Variants in TMC1 observed in about 807,000 individuals in gnomAD.
The protein encoded by TMC1 is transmembrane channel-like protein 1.
Under a neutral mutation model 105.8 loss-of-function variants are expected in TMC1, and 84 were observed. That is an observed-to-expected ratio of 0.79 (90% CI 0.67 to 0.95). TMC1 has a LOEUF of 0.95. Ranked by LOEUF, TMC1 falls within the 40% of genes least tolerant of loss-of-function variation. The pLI is 0.00. For synonymous variants in TMC1, 315 were observed against 311.5 expected, an observed-to-expected ratio of 1.01 and a Z score of -0.12; for missense variants, 817 against 914.1, an observed-to-expected ratio of 0.89 and a Z score of 1.37.
At chr9:72,535,234 C>G (rs1823561518) in intron 1 of TMC1, among the ~76,000 whole-genome samples, 1 of 152,168 alleles carries the variant, frequency 6.6e-6, no homozygotes, top group Non-Finnish European at 1.5e-5. Flanking sequence ...TAGCATGTTA[C>G]AAAGTACCCC....
intron 12 of TMC1, among the ~76,000 whole-genome samples, chr9:72,757,134 C>A (rs1376215475): frequency 6.6e-6 from 1 of 152,152 alleles, no homozygotes; most frequent in Non-Finnish European, 1.5e-5. Context: ...TATAAGAAAG[C>A]CATTACACTG....
chr9:72,760,038 T>C (rs1827731651), intron 12 of TMC1, among the ~76,000 whole-genome samples: 1 of 152,176 alleles, frequency 6.6e-6, no homozygotes, highest in African/African-American at 2.4e-5. Context: ...GCTTCTCAAA[T>C]AGAATGAGAG....
chr9:72,594,393 A>G (rs1054765250), intron 2 of TMC1, among the ~76,000 whole-genome samples: 2 of 152,034 alleles, frequency 1.3e-5, no homozygotes, highest in Non-Finnish European at 1.5e-5. Flanking sequence ...TGCAGCATCA[A>G]CTCCCAGTCA....
intron 1 of TMC1, among the ~76,000 whole-genome samples, chr9:72,541,053 A>T (rs1330125272): frequency 1.3e-5 from 2 of 152,188 alleles, no homozygotes; most frequent in African/African-American, 4.8e-5. Context: ...TTCCAGGTCA[A>T]ATTTAAATCT....
chr9:72,708,745 A>T (rs1826786013), intron 8 of TMC1, among the ~76,000 whole-genome samples: 1 of 152,132 alleles, frequency 6.6e-6, no homozygotes, highest in Non-Finnish European at 1.5e-5. Context: ...ACCAATCTGG[A>T]TGCCCTTTAT....
At chr9:72,600,444 T>G (rs533827272) in intron 2 of TMC1, among the ~76,000 whole-genome samples, 2 of 152,170 alleles carry the variant, frequency 1.3e-5, no homozygotes, top group Non-Finnish European at 2.9e-5. Context: ...TCACCAATAC[T>G]GTGGGCTCTC....
At chr9:72,671,957 A>C (rs1826132119) in intron 5 of TMC1, among the ~76,000 whole-genome samples, 2 of 152,210 alleles carry the variant, frequency 1.3e-5, no homozygotes, top group South Asian at 4.1e-4. Context: ...TTCTTAAAGG[A>C]AGAAAGATGA....
At chr9:72,835,761 T>C (rs941278235) in intron 23 of TMC1, among the ~76,000 whole-genome samples, 190 bp from the exon 24 acceptor site, 2 of 149,610 alleles carry the variant, frequency 1.3e-5, no homozygotes, top group African/African-American at 4.9e-5. Flanking sequence ...CTAAGAAACA[T>C]GGAAATATTT....
chr9:72,673,469 G>A (rs909253839), intron 5 of TMC1, among the ~76,000 whole-genome samples: 2 of 151,984 alleles, frequency 1.3e-5, no homozygotes, highest in African/African-American at 4.8e-5. Flanking sequence ...AGACTGATTA[G>A]GAATTTATCA....
chr9:72,605,672 C>T (rs1824899749), intron 2 of TMC1, among the ~76,000 whole-genome samples: 1 of 150,614 alleles, frequency 6.6e-6, no homozygotes, highest in Non-Finnish European at 1.5e-5. Flanking sequence ...ACCTCCCTGG[C>T]TCAAGTTCTT....
chr9:72,753,546 A>T (rs1282069027), intron 11 of TMC1, among the ~76,000 whole-genome samples: 4 of 152,130 alleles, frequency 2.6e-5, no homozygotes, highest in Non-Finnish European at 5.9e-5. Context: ...GGTTGGATGT[A>T]TTCCAAGAGC....
rs146077119 is a variant in TMC1, at chr9:72,802,366, TATCA to T, written c.1567-3015_1567-3012del. On this transcript the variant is annotated intron_variant, in intron 17 of 23. Coordinates refer to ENST00000297784, the MANE Select transcript of TMC1 (RefSeq NM_138691.3). ...TGTCCAAAAATAACCACAGGAATAC[TATCA>T]TTCATTCATTTTTTATTTATGAGTG... Among the ~76,000 whole-genome samples, 578 of 152,278 alleles carry T rather than the reference TATCA, an allele frequency of 3.8e-3. 4 individuals are homozygous for T. Among genetic ancestry groups the T allele is most frequent in the African/African-American group, 0.013 (553 of 41,544 alleles).
intron 2 of TMC1, among the ~76,000 whole-genome samples, chr9:72,585,990 A>G (rs1824548897): frequency 6.6e-6 from 1 of 152,176 alleles, no homozygotes; most frequent in South Asian, 2.1e-4. Context: ...CTTGAGAAGA[A>G]CCTGGGGGAG....
chr9:72,804,231 C>CG (rs1282070867), intron 17 of TMC1, among the ~76,000 whole-genome samples: 1 of 151,846 alleles, frequency 6.6e-6, no homozygotes, highest in Non-Finnish European at 1.5e-5. Flanking sequence ...GGAGCCTGGT[C>CG]GGGGGTAAGG....
chr9:72,685,969 C>A (rs923785331), intron 5 of TMC1, among the ~76,000 whole-genome samples: 2 of 152,130 alleles, frequency 1.3e-5, no homozygotes, highest in African/African-American at 4.8e-5. Flanking sequence ...TAAAAAGAAG[C>A]CCCAGAACAA....
rs556343366 is a variant in TMC1, at chr9:72,766,085, G to T, written c.742-6328G>T. Among the ~76,000 whole-genome samples the T allele has an allele frequency of 3.9e-5, 6 of 152,220 alleles. No individual in the cohort carries two copies. In the East Asian group the frequency reaches 1.2e-3, roughly 29 times the overall value. On this transcript the variant is annotated intron_variant, in intron 12 of 23. Transcript: ENST00000297784. ...AGCAGTATTAATACCTAGCTACCAG[G>T]CTTGTATAAAAAATACATGAGATTA...
chr9:72,800,788 C>T (rs902530581), intron 17 of TMC1, among the ~76,000 whole-genome samples: 15 of 151,858 alleles, frequency 9.9e-5, no homozygotes, highest in African/African-American at 2.4e-4. Context: ...TCTGCAGAAG[C>T]GGGCCAAGGG....
At chr9:72,770,117 G>A (rs1347174059) in intron 12 of TMC1, among the ~76,000 whole-genome samples, 1 of 151,878 alleles carries the variant, frequency 6.6e-6, no homozygotes. Context: ...TTGGGGAGTT[G>A]GTCAATCCAT....
At position 72,778,846 on chromosome 9, in the gene TMC1, G is replaced by A. The variant is rs566302457; in HGVS notation, c.884+6291G>A. Among the ~76,000 whole-genome samples the A allele has an allele frequency of 3.3e-5, 5 of 152,212 alleles. No individual in the cohort carries two copies. In the East Asian group the frequency reaches 9.7e-4, roughly 29 times the overall value. On this transcript the variant is annotated intron_variant, in intron 13 of 23. Transcript: ENST00000297784. ...TAAAGGCCATCATCATAGCTTCTTT[G>A]TTGGCAGACCCCACCCAACTGTTGG...
Sources: allele counts gnomAD v4.1 joint callset (sites outside exome capture counted in the v4.1 genomes callset), GRCh38; gene constraint gnomAD v4.1.1; transcripts MANE v1.5; gene names NCBI Gene and HGNC (gene_info 2026-07-23, HGNC 2026-07-21).